Variants in PRKD1 observed in about 807,000 individuals in gnomAD.
PRKD1 encodes the protein protein kinase D1, also known as serine/threonine-protein kinase D1.
PRKD1 carries 63 observed loss-of-function variants against 95.9 expected under a neutral mutation model. The observed-to-expected ratio is 0.66, with a 90% CI of 0.54 to 0.81. The LOEUF (loss-of-function observed/expected upper bound fraction) is 0.81, where lower values mean the gene tolerates loss of function less well. Among genes scored for constraint, PRKD1 ranks in the 30% least tolerant of loss-of-function variants. PRKD1 has a pLI of 0.00. For missense variants in PRKD1, 1,048 were observed against 1,165.3 expected (o/e 0.90, Z 1.47); for synonymous variants, 425 against 423.1 (o/e 1.00, Z -0.05).
intron 1 of PRKD1, among the ~76,000 whole-genome samples, chr14:29,804,635 G>A (rs1351912088): frequency 6.6e-6 from 1 of 151,090 alleles, no homozygotes; most frequent in Admixed American, 6.6e-5. Flanking sequence ...AGTTACCACA[G>A]TAACAAAGTG....
chr14:29,837,722 T>C (rs954521310), intron 1 of PRKD1, among the ~76,000 whole-genome samples: 10 of 152,216 alleles, frequency 6.6e-5, no homozygotes, highest in Non-Finnish European at 1.2e-4. Flanking sequence ...TAGTAATTCA[T>C]GTGAGTAATC....
chr14:29,704,072 A>G (rs1884965420), intron 2 of PRKD1, among the ~76,000 whole-genome samples: 1 of 152,156 alleles, frequency 6.6e-6, no homozygotes, highest in Non-Finnish European at 1.5e-5. Flanking sequence ...AATGTAAACA[A>G]TACAACACGG....
intron 1 of PRKD1, among the ~76,000 whole-genome samples, chr14:29,893,726 G>A (rs1464648844): frequency 6.6e-6 from 1 of 152,100 alleles, no homozygotes; most frequent in Admixed American, 6.5e-5. Context: ...TAGGTTTCAG[G>A]TCAGAACACA....
chr14:29,903,663 T>C lies in PRKD1; in HGVS notation c.264+23586A>G, dbSNP rs550829924. Among the ~76,000 whole-genome samples, 8 of 152,280 alleles carry C rather than the reference T, an allele frequency of 5.3e-5. No individual in the cohort carries two copies. In the East Asian group the frequency reaches 9.6e-4, roughly 18 times the overall value. On this transcript the variant is annotated intron_variant, in intron 1 of 17. Transcript: ENST00000331968. Reference sequence around the variant, plus strand: ...AAAACCCTGGATTAAAAATAAATCTTAATACTTACCTTTAAAATAATCTGA... The same window carrying C: ...AAAACCCTGGATTAAAAATAAATCTCAATACTTACCTTTAAAATAATCTGA...
intron 1 of PRKD1, among the ~76,000 whole-genome samples, chr14:29,836,277 G>A (rs1017155763): frequency 1.3e-5 from 2 of 152,210 alleles, no homozygotes; most frequent in African/African-American, 2.4e-5. Flanking sequence ...GGCGAACTGT[G>A]AAGAGTTATT....
At chr14:29,724,608 CAAAGAT>C (rs996922763) in intron 2 of PRKD1, among the ~76,000 whole-genome samples, 4 of 151,996 alleles carry the variant, frequency 2.6e-5, no homozygotes, top group African/African-American at 9.7e-5. Flanking sequence ...GTGAATAAAA[CAAAGAT>C]AAATTGAATT....
At chr14:29,861,916 T>A (rs1438598300) in intron 1 of PRKD1, among the ~76,000 whole-genome samples, 1 of 152,206 alleles carries the variant, frequency 6.6e-6, no homozygotes, top group Non-Finnish European at 1.5e-5. Context: ...CCTCCCAAAG[T>A]GCTGGGATTA....
At chr14:29,603,829 C>T (rs1384412472) in intron 13 of PRKD1, among the ~76,000 whole-genome samples, 1 of 152,190 alleles carries the variant, frequency 6.6e-6, no homozygotes, top group South Asian at 2.1e-4. Flanking sequence ...CAAGCTACTA[C>T]AGGACTCTCT....
chr14:29,675,568 T>G (rs915907319), intron 2 of PRKD1, among the ~76,000 whole-genome samples: 35 of 152,204 alleles, frequency 2.3e-4, no homozygotes, highest in Admixed American at 2.3e-3. Context: ...GAAGACAGTG[T>G]GGCGATTCTT....
At chr14:29,716,475 G>C (rs1885615556) in intron 2 of PRKD1, among the ~76,000 whole-genome samples, 1 of 152,148 alleles carries the variant, frequency 6.6e-6, no homozygotes, top group African/African-American at 2.4e-5. Flanking sequence ...GGGGAAGAAG[G>C]AACAGCAGGA....
chr14:29,895,620 A>T (rs1566659677), intron 1 of PRKD1, among the ~76,000 whole-genome samples: 1 of 151,972 alleles, frequency 6.6e-6, no homozygotes, highest in Non-Finnish European at 1.5e-5. Context: ...CTTGGGAGCA[A>T]TCTGACTTTC....
intron 2 of PRKD1, among the ~76,000 whole-genome samples, chr14:29,682,211 A>G (rs1046799612): frequency 1.3e-5 from 2 of 152,200 alleles, no homozygotes; most frequent in African/African-American, 4.8e-5. Flanking sequence ...AAAAATTTAA[A>G]TGCCACATCT....
chr14:29,754,588 C>A (rs1223303857), intron 1 of PRKD1, among the ~76,000 whole-genome samples: 1 of 151,990 alleles, frequency 6.6e-6, no homozygotes, highest in Non-Finnish European at 1.5e-5. Flanking sequence ...TCAATCTGTT[C>A]TCTATTGATT....
At position 29,680,869 on chromosome 14, in the gene PRKD1, A is replaced by T. The variant is rs567314702; in HGVS notation, c.404-14661T>A. ...GGCTAAGAAAGAAGTAGATGGAGGA[A>T]TTGATTGTAAGATGTGAAAACACGC... On this transcript the variant is annotated intron_variant, in intron 2 of 17. Coordinates refer to ENST00000331968, the MANE Select transcript of PRKD1 (RefSeq NM_002742.3). Among the ~76,000 whole-genome samples the T allele has an allele frequency of 1.4e-4, 21 of 152,306 alleles. No individual in the cohort carries two copies. The South Asian group carries it at 4.3e-3, about 32-fold the overall frequency.
intron 1 of PRKD1, among the ~76,000 whole-genome samples, chr14:29,753,842 A>G (rs1055491491): frequency 6.6e-6 from 1 of 152,058 alleles, no homozygotes; most frequent in African/African-American, 2.4e-5. Flanking sequence ...TTTTTCAATG[A>G]TGTACACCTA....
chr14:29,880,727 A>G (rs1403459477), intron 1 of PRKD1, among the ~76,000 whole-genome samples: 1 of 152,118 alleles, frequency 6.6e-6, no homozygotes, highest in African/African-American at 2.4e-5. Context: ...CTGCAAAGCC[A>G]CAGGGGCGGA....
intron 4 of PRKD1, among the ~76,000 whole-genome samples, chr14:29,647,786 G>A (rs566469498): frequency 6.6e-6 from 1 of 152,266 alleles, no homozygotes; most frequent in East Asian, 1.9e-4. Context: ...GACCAAATAG[G>A]GGTGCAGGAG....
At chr14:29,645,162 T>G (rs539720743) in intron 4 of PRKD1, among the ~76,000 whole-genome samples, 1 of 152,178 alleles carries the variant, frequency 6.6e-6, no homozygotes, top group Non-Finnish European at 1.5e-5. Flanking sequence ...TCCTCTCAGT[T>G]AGTCAATAAG....
intron 1 of PRKD1, among the ~76,000 whole-genome samples, chr14:29,809,665 A>G (rs1959439): frequency 0.31 from 46,840 of 152,114 alleles, 8,467 homozygotes; most frequent in African/African-American, 0.5. Flanking sequence ...TCACAGAATT[A>G]AAGAGAGTTA....
Sources: allele counts gnomAD v4.1 joint callset (sites outside exome capture counted in the v4.1 genomes callset), GRCh38; gene constraint gnomAD v4.1.1; transcripts MANE v1.5; gene names NCBI Gene and HGNC (gene_info 2026-07-23, HGNC 2026-07-21).